Variants in MRPS28 observed in about 807,000 individuals in gnomAD.
MRPS28 encodes the protein mitochondrial ribosomal protein S28, also known as small ribosomal subunit protein bS1m.
A neutral mutation model predicts 10.8 loss-of-function variants in MRPS28; 7 were observed. The ratio of observed to expected loss-of-function variants is 0.65; its 90% confidence interval spans 0.37 to 1.22. MRPS28 has a LOEUF of 1.22. Ranked by LOEUF, MRPS28 falls within the 50% of genes most tolerant of loss-of-function variation. The probability of loss-of-function intolerance (pLI) is 0.02; values close to 1 mark genes in which losing one functional copy is unlikely to be tolerated. For missense variants in MRPS28, 265 were observed against 232.9 expected, an observed-to-expected ratio of 1.14 and a Z score of -0.90; for synonymous variants, 121 against 93.3, an observed-to-expected ratio of 1.30 and a Z score of -1.71.
chr8:80,005,971 C>T (rs1400137785), intron 1 of MRPS28, among the ~76,000 whole-genome samples: 2 of 152,090 alleles, frequency 1.3e-5, no homozygotes, highest in African/African-American at 4.8e-5. Context: ...ACAGGAGCAC[C>T]CAGATTCATA....
intron 2 of MRPS28, among the ~76,000 whole-genome samples, chr8:79,978,809 T>C (rs1005012542): frequency 2.6e-5 from 4 of 152,264 alleles, no homozygotes; most frequent in African/African-American, 9.6e-5. Context: ...CCTTAGGAAA[T>C]GAGCATAGAA....
intron 2 of MRPS28, chr8:79,958,264 G>A: frequency 1.6e-6 from 1 of 635,290 alleles, no homozygotes; most frequent in Non-Finnish European, 2.8e-6. Context: ...TACAATATAT[G>A]ATCTTTTGTG....
At chr8:79,959,674 T>G (rs1807323936) in intron 2 of MRPS28, among the ~76,000 whole-genome samples, 1 of 152,070 alleles carries the variant, frequency 6.6e-6, no homozygotes, top group African/African-American at 2.4e-5. Context: ...CCACAGAAAT[T>G]TTAGTCCTAA....
intron 2 of MRPS28, among the ~76,000 whole-genome samples, chr8:79,995,568 T>C (rs775547469): frequency 2.0e-5 from 3 of 152,184 alleles, no homozygotes; most frequent in Admixed American, 6.5e-5. Context: ...CAAACACTGT[T>C]CTGATATGTG....
intron 2 of MRPS28, among the ~76,000 whole-genome samples, chr8:79,971,272 C>T (rs1226024122): frequency 6.6e-6 from 1 of 152,122 alleles, no homozygotes; most frequent in African/African-American, 2.4e-5. Context: ...CCAAACAGAA[C>T]AGAAAGAAAG....
chr8:79,924,527 G>A (rs1810183170), intron 2 of MRPS28, among the ~76,000 whole-genome samples: 1 of 152,086 alleles, frequency 6.6e-6, no homozygotes, highest in Non-Finnish European at 1.5e-5. Flanking sequence ...AAAGCAGAGG[G>A]TCAGAAAAGA....
chr8:79,991,932 CTCTCTCTCTCTCTCTCTCTCT>C (rs1808376146), intron 2 of MRPS28, among the ~76,000 whole-genome samples: 1 of 141,398 alleles, frequency 7.1e-6, no homozygotes, highest in Non-Finnish European at 1.6e-5. Flanking sequence ...CTCTCTCTCT[CTCTCTCTCTCTCTCTCTCTCT>C]CTCTCTCATC....
intron 2 of MRPS28, among the ~76,000 whole-genome samples, chr8:79,934,834 T>G (rs1806561391): frequency 6.6e-6 from 1 of 152,198 alleles, no homozygotes; most frequent in African/African-American, 2.4e-5. Context: ...AATATTTCAA[T>G]AACAATTCTG....
At chr8:80,008,989 G>T (rs1808949503) in intron 1 of MRPS28, among the ~76,000 whole-genome samples, 1 of 152,136 alleles carries the variant, frequency 6.6e-6, no homozygotes, top group East Asian at 1.9e-4. Flanking sequence ...TGTTTACTGT[G>T]GCACTATTCA....
At chr8:79,951,399 C>T (rs1807077059) in intron 2 of MRPS28, among the ~76,000 whole-genome samples, 1 of 152,140 alleles carries the variant, frequency 6.6e-6, no homozygotes, top group South Asian at 2.1e-4. Flanking sequence ...TAGCCTCTTG[C>T]CCATCCATCA....
chr8:79,984,300 G>A (rs868478873), intron 2 of MRPS28, among the ~76,000 whole-genome samples: 11 of 152,220 alleles, frequency 7.2e-5, no homozygotes, highest in Non-Finnish European at 1.6e-4. Context: ...GGAACAACCA[G>A]TACTAGCTAC....
chr8:79,978,750 T>C (rs1295804774), intron 2 of MRPS28, among the ~76,000 whole-genome samples: 2 of 152,206 alleles, frequency 1.3e-5, no homozygotes, highest in African/African-American at 2.4e-5. Context: ...TTTCCAAGAA[T>C]TGTGACATAA....
intron 1 of MRPS28, among the ~76,000 whole-genome samples, chr8:80,010,147 AAACACATTTTTTCCAAATCCGTG>A (rs1379047336): frequency 2.0e-5 from 3 of 152,180 alleles, no homozygotes; most frequent in South Asian, 4.1e-4. Context: ...AATTTTTTCC[AAACACATTTTTTCCAAATCCGTG>A]AACACAGATT....
chr8:80,016,164 C>T (rs1809188810), intron 1 of MRPS28, among the ~76,000 whole-genome samples: 1 of 152,020 alleles, frequency 6.6e-6, no homozygotes. Flanking sequence ...ATATCAGACA[C>T]CAAACCACAG....
At chr8:79,942,832 A>AATAC (rs1371824359) in intron 2 of MRPS28, among the ~76,000 whole-genome samples, 1 of 152,208 alleles carries the variant, frequency 6.6e-6, no homozygotes, top group East Asian at 1.9e-4. Context: ...ATAAGAAAAA[A>AATAC]ATACATGTTG....
intron 2 of MRPS28, among the ~76,000 whole-genome samples, chr8:79,921,222 G>A (rs925912610): frequency 7.9e-5 from 12 of 152,182 alleles, no homozygotes; most frequent in East Asian, 1.9e-4. Flanking sequence ...GTCAGGTAGT[G>A]TGATGCCTCC....
At chr8:79,980,913 C>T (rs1807935861) in intron 2 of MRPS28, among the ~76,000 whole-genome samples, 1 of 152,202 alleles carries the variant, frequency 6.6e-6, no homozygotes, top group South Asian at 2.1e-4. Context: ...CCATCACTAC[C>T]ATTACTATTA....
At chr8:80,024,369 A>G (rs1036108003) in intron 1 of MRPS28, among the ~76,000 whole-genome samples, 6 of 152,246 alleles carry the variant, frequency 3.9e-5, no homozygotes, top group African/African-American at 1.4e-4. Context: ...TATGGAACCT[A>G]CAACCACCAT....
intron 2 of MRPS28, among the ~76,000 whole-genome samples, chr8:79,976,440 C>T (rs1807801777): frequency 6.6e-6 from 1 of 152,174 alleles, no homozygotes; most frequent in Non-Finnish European, 1.5e-5. Flanking sequence ...TTCCATGGCT[C>T]ATGCCCATAA....
Sources: gnomAD v4.1 joint callset for allele counts (sites outside exome capture counted in the v4.1 genomes callset) on GRCh38, gnomAD v4.1.1 for gene constraint, MANE v1.5 for transcripts, NCBI Gene and HGNC (gene_info 2026-07-23, HGNC 2026-07-21) for gene names.